The following SMG1 variants were observed in gnomAD, a reference collection of about 807,000 sequenced individuals.
SMG1 encodes the protein SMG1 nonsense mediated mRNA decay associated PI3K related kinase.
In SMG1, 22 loss-of-function variants were observed where a neutral mutation model predicts 419.9. The ratio of observed to expected loss-of-function variants is 0.05; its 90% CI spans 0.04 to 0.07. The LOEUF is 0.07. Ranked by LOEUF, SMG1 falls within the 10% of genes least tolerant of loss-of-function variation. SMG1 has a pLI of 1.00. For missense variants in SMG1, 3,185 were observed against 4,342.0 expected (o/e 0.73, Z 7.49); for synonymous variants, 1,538 against 1,553.5 (o/e 0.99, Z 0.23).
At chr16:18,848,558 G>A (rs978807894) in intron 36 of SMG1, among the ~76,000 whole-genome samples, 7 of 151,652 alleles carry the variant, frequency 4.6e-5, no homozygotes, top group African/African-American at 9.7e-5. Flanking sequence ...CACCCTCCTC[G>A]GCCTCCCAAA....
intron 19 of SMG1, 36 bp from the exon 20 acceptor site, chr16:18,869,339 C>T: frequency 6.6e-7 from 1 of 1,505,388 alleles, no homozygotes. Flanking sequence ...AAGACAATGA[C>T]AACTTCATTT....
intron 10 of SMG1, among the ~76,000 whole-genome samples, chr16:18,881,034 T>A (rs1310856195): frequency 1.3e-5 from 2 of 149,808 alleles, no homozygotes; most frequent in East Asian, 2.0e-4. Context: ...GGGAGGTTCA[T>A]ATGGGCCCAG....
intron 1 of SMG1, among the ~76,000 whole-genome samples, chr16:18,923,985 C>G (rs1447193395): frequency 2.0e-5 from 3 of 152,184 alleles, no homozygotes; most frequent in Non-Finnish European, 4.4e-5. Context: ...TATGTCCACA[C>G]TTCCCTGTTC....
rs761556521 is a variant in SMG1 at position 18,925,972 on chromosome 16, T to C, written c.70A>G (p.Ser24Gly). 1.7e-5 allele frequency: 27 copies of C among 1,573,982 alleles called. No homozygotes were observed. In the Admixed American group the frequency reaches 2.7e-4, roughly 16 times the overall value. ...GGGGGTKYPR[S>G]WNDWQPRTDS... ...CACCTGGGTTGCCAGTCATTCCAGCTCCGCGGATACTTGGTGCCGCCGCCG... is the reference window on the plus strand; with the variant it reads ...CACCTGGGTTGCCAGTCATTCCAGCCCCGCGGATACTTGGTGCCGCCGCCG... Residue 24 changes from serine (S) to glycine (G), a missense_variant, in exon 1 of 63, where the codon AGC becomes GGC. This residue lies in a region of SMG1 where 88 missense variants were observed against 85.9 expected (regional missense o/e 1.02). Transcript: ENST00000446231.
intron 1 of SMG1, among the ~76,000 whole-genome samples, chr16:18,908,297 G>A (rs140681506): frequency 5.3e-5 from 8 of 151,190 alleles, no homozygotes; most frequent in African/African-American, 1.5e-4. Context: ...ACCCAGAGGC[G>A]GAGGTTGCAG....
chr16:18,890,647 C>A (rs1487757222), intron 5 of SMG1, among the ~76,000 whole-genome samples: 4 of 152,074 alleles, frequency 2.6e-5, no homozygotes, highest in Non-Finnish European at 5.9e-5. Flanking sequence ...GAGACTCCGG[C>A]TCAAAAAATA....
At chr16:18,877,274 C>T (rs2036179719) in intron 11 of SMG1, 42 bp from the exon 12 acceptor site, 1 of 1,411,972 alleles carries the variant, frequency 7.1e-7, no homozygotes, top group Non-Finnish European at 9.6e-7. Context: ...TCTCCAATTA[C>T]AAAAAGACAT....
chr16:18,828,642 A>G (rs1302030568), intron 54 of SMG1, among the ~76,000 whole-genome samples: 1 of 152,260 alleles, frequency 6.6e-6, no homozygotes, highest in African/African-American at 2.4e-5. Flanking sequence ...CATCAAGGAA[A>G]GAGAAACTAC....
At chr16:18,827,840 T>A (rs2032850771) in intron 55 of SMG1, among the ~76,000 whole-genome samples, 191 bp downstream of exon 55, 1 of 115,178 alleles carries the variant, frequency 8.7e-6, no homozygotes, top group Non-Finnish European at 1.9e-5. Context: ...TTTATATATC[T>A]TTGGTATATA....
chr16:18,905,186 C>T (rs1313282398), intron 1 of SMG1, among the ~76,000 whole-genome samples: 3 of 152,036 alleles, frequency 2.0e-5, no homozygotes, highest in South Asian at 4.1e-4. Context: ...ACTTGAACCC[C>T]GGAGGTGGAG....
chr16:18,834,772 C>G, intron 49 of SMG1, 120 bp downstream of exon 49: 1 of 1,129,116 alleles, frequency 8.9e-7, no homozygotes, highest in Non-Finnish European at 1.3e-6. Context: ...TAACTAAAAT[C>G]TGAAAAGCAA....
intron 36 of SMG1, among the ~76,000 whole-genome samples, chr16:18,848,497 G>T (rs1440770680): frequency 6.6e-6 from 1 of 151,686 alleles, no homozygotes; most frequent in Non-Finnish European, 1.5e-5. Flanking sequence ...ACAGAAACAG[G>T]GTTTCACCAT....
intron 1 of SMG1, among the ~76,000 whole-genome samples, chr16:18,910,373 G>A (rs1249190913): frequency 6.6e-6 from 1 of 151,582 alleles, no homozygotes; most frequent in Non-Finnish European, 1.5e-5. Flanking sequence ...TGGGATTACA[G>A]GCATGCACCA....
In SMG1 at chr16:18,866,658, G is replaced by A; in HGVS notation, c.3313C>T (p.Leu1105=). The part of the protein sequence containing the change: ...WSSSIVGKNL[L]WINSVAQQAE... Reference sequence around the variant, plus strand: ...TGTTGAGCCACTGAGTTAATCCACAGAAGATTTTTTCCAACAATAGATGAT... The same window carrying A: ...TGTTGAGCCACTGAGTTAATCCACAAAAGATTTTTTCCAACAATAGATGAT... Residue 1105 remains leucine (L), a synonymous_variant, in exon 23 of 63, where the codon CTG becomes TTG. Coordinates refer to ENST00000446231, the MANE Select transcript of SMG1 (RefSeq NM_015092.5). 1 of 1,594,704 alleles carries A rather than the reference G, an allele frequency of 6.3e-7. No homozygotes were observed. The highest frequency in any genetic ancestry group is 8.5e-7 in the Non-Finnish European group (1 of 1,177,248).
At chr16:18,814,930 C>T (rs141540936) in intron 60 of SMG1, among the ~76,000 whole-genome samples, 1,831 of 141,498 alleles carry the variant, frequency 0.013, 50 homozygotes, top group African/African-American at 0.046. Context: ...TTTAAAGAGA[C>T]AGGGTCTTGA....
rs149523705 is a variant in SMG1 at position 18,902,777 on chromosome 16, T to C, written c.93-5821A>G. Among the ~76,000 whole-genome samples the C allele has an allele frequency of 7.8e-4, 119 of 152,152 alleles. 4 individuals carry two copies. The East Asian group carries it at 0.019, about 24-fold the overall frequency. Reference sequence around the variant, plus strand: ...AGTATTAGATGCAAGGGTCATCTTATGGACTGGACTCCCTCTTACTCTGCA... The same window carrying C: ...AGTATTAGATGCAAGGGTCATCTTACGGACTGGACTCCCTCTTACTCTGCA... On this transcript the variant is annotated intron_variant, in intron 1 of 62. Coordinates refer to ENST00000446231, the MANE Select transcript of SMG1 (RefSeq NM_015092.5).
In SMG1 at chr16:18,869,429, G is replaced by A. The variant is rs1423285578; in HGVS notation, c.2634-126C>T. On this transcript the variant is annotated intron_variant, in intron 19 of 62. Transcript: ENST00000446231. ...CTACTCCAAAAAAGGCAAAACCTAT[G>A]AAATTGAGAAGCATTGTGTCCCCCC... 24 of 757,226 alleles carry A rather than the reference G, an allele frequency of 3.2e-5. No individual in the cohort carries two copies. In the East Asian group the frequency reaches 3.2e-4, roughly 10 times the overall value. 46.9% of individuals were successfully genotyped at this position (757,226 alleles called of 1,614,324 possible).
chr16:18,820,224 A>G (rs1036038133), intron 55 of SMG1, among the ~76,000 whole-genome samples: 1 of 151,968 alleles, frequency 6.6e-6, no homozygotes, highest in South Asian at 2.1e-4. Context: ...TCGGCCTCCC[A>G]AAGTGCTGGG....
Position 18,845,667 on chromosome 16 carries a change from T to C in SMG1, c.5997-16A>G. Reference sequence around the variant, plus strand: ...TTTCTCTTCTCTGACCAAGAAGACATTTTTATTCAAAAACTTAAATGTGTA... The same window carrying C: ...TTTCTCTTCTCTGACCAAGAAGACACTTTTATTCAAAAACTTAAATGTGTA... On this transcript the variant is annotated splice_polypyrimidine_tract_variant and intron_variant, in intron 38 of 62. Coordinates refer to ENST00000446231, the MANE Select transcript of SMG1 (RefSeq NM_015092.5). 1.3e-6 allele frequency: 2 copies of C among 1,587,898 alleles called. No homozygotes were observed. Among genetic ancestry groups the C allele is most frequent in the Non-Finnish European group, 8.6e-7 (1 of 1,165,802 alleles).
Sources: gnomAD v4.1 joint callset for allele counts (sites outside exome capture counted in the v4.1 genomes callset) on GRCh38, gnomAD v4.1.1 for gene constraint, gnomAD v4.1.1 regional missense constraint, MANE v1.5 for transcripts, NCBI Gene and HGNC (gene_info 2026-07-23, HGNC 2026-07-21) for gene names.